ATP11C: variants seen among roughly 807,000 people sequenced by gnomAD.
ATP11C encodes the protein phospholipid-transporting ATPase IG.
Under a neutral mutation model 97.4 loss-of-function variants are expected in ATP11C, and 36 were observed. That is an observed-to-expected ratio of 0.37 (90% CI 0.28 to 0.49). The LOEUF (loss-of-function observed/expected upper bound fraction) is 0.49, where lower values mean the gene tolerates loss of function less well. Ranked by LOEUF, ATP11C falls within the 20% of genes least tolerant of loss-of-function variation. The pLI, the probability that ATP11C is intolerant of heterozygous loss-of-function variation, is 0.98. For missense variants in ATP11C, 730 were observed against 824.6 expected, an observed-to-expected ratio of 0.89 and a Z score of 1.40; for synonymous variants, 275 against 290.9, an observed-to-expected ratio of 0.95 and a Z score of 0.56.
chrX:139,929,624 A>G (rs1012421154), intron 1 of ATP11C, among the ~76,000 whole-genome samples: 2 of 111,580 alleles, frequency 1.8e-5, no homozygotes, highest in African/African-American at 6.5e-5. Flanking sequence ...ATCAAAACCA[A>G]TATCAGACAC....
At chrX:139,763,474 G>T in intron 20 of ATP11C, 56 bp from the exon 21 acceptor site, 3 of 914,743 alleles carry the variant, frequency 3.3e-6, no homozygotes, top group Non-Finnish European at 4.7e-6. Flanking sequence ...TGTAAGACTG[G>T]GCTACTTTAG....
At chrX:139,910,823 T>TAA (rs202163880) in intron 1 of ATP11C, among the ~76,000 whole-genome samples, 2 of 102,705 alleles carry the variant, frequency 1.9e-5, no homozygotes, top group East Asian at 6.0e-4. Context: ...AGATACATGA[T>TAA]AAAAAAAAAA....
chrX:139,822,571 A>G (rs2083436037), intron 2 of ATP11C, among the ~76,000 whole-genome samples: 1 of 110,356 alleles, frequency 9.1e-6, no homozygotes, highest in Non-Finnish European at 1.9e-5. Flanking sequence ...ACGCCAACAC[A>G]CCCGGCTAAT....
intron 22 of ATP11C, among the ~76,000 whole-genome samples, chrX:139,760,474 C>G (rs1298955936): frequency 9.0e-6 from 1 of 111,581 alleles, no homozygotes; most frequent in Non-Finnish European, 1.9e-5. Context: ...AGACAACTGA[C>G]ACACAAAATC....
chrX:139,749,138 C>T (rs2081755454), intron 24 of ATP11C, among the ~76,000 whole-genome samples: 1 of 111,705 alleles, frequency 9.0e-6, no homozygotes, highest in African/African-American at 3.3e-5. Context: ...GGTTCAACAA[C>T]TATTTACATT....
At position 139,757,872 on chromosome X, in the gene ATP11C, A is replaced by G. The variant is rs1294768800; in HGVS notation, c.2641-5T>C. 1 of 1,154,380 alleles carries G rather than the reference A, an allele frequency of 8.7e-7. No homozygotes were observed. The highest frequency in any genetic ancestry group is 1.2e-6 in the Non-Finnish European group (1 of 857,340). On this transcript the variant is annotated splice_region_variant and splice_polypyrimidine_tract_variant and intron_variant, in intron 22 of 29. Transcript: ENST00000682941. ...TGGCAAAATGAAACAAAGGTTCTGA[A>G]AAAAAAAAATTAAGACAAGGATTAA... is the stretch of plus-strand genomic sequence containing the variant.
chrX:139,745,337 T>C (rs759165511), intron 25 of ATP11C, among the ~76,000 whole-genome samples: 1 of 111,585 alleles, frequency 9.0e-6, no homozygotes, highest in Non-Finnish European at 1.9e-5. Context: ...ATATGGCAGC[T>C]ACCCGCTTCA....
At chrX:139,875,433 A>G (rs1005552178) in intron 1 of ATP11C, among the ~76,000 whole-genome samples, 8 of 107,796 alleles carry the variant, frequency 7.4e-5, no homozygotes, top group South Asian at 4.2e-4. Context: ...AAAAAAAAAA[A>G]AAAAGAAAAA....
chrX:139,894,102 G>A (rs1463297953), intron 1 of ATP11C, among the ~76,000 whole-genome samples: 2 of 111,560 alleles, frequency 1.8e-5, no homozygotes, highest in Non-Finnish European at 3.8e-5. Flanking sequence ...TTGCTGCTGG[G>A]AAGAATTAAT....
intron 1 of ATP11C, among the ~76,000 whole-genome samples, chrX:139,924,957 C>A (rs2085328033): frequency 9.0e-6 from 1 of 111,423 alleles, no homozygotes; most frequent in African/African-American, 3.3e-5. Context: ...GCCAGTGAAT[C>A]AACAAACCTA....
In ATP11C at chrX:139,728,825, G is replaced by A. The variant is rs1416889992; in HGVS notation, c.*141C>T. The A allele has an allele frequency of 1.4e-6, 1 of 724,832 alleles. No homozygotes were observed. Among genetic ancestry groups the A allele is most frequent in the African/African-American group, 2.1e-5 (1 of 47,608 alleles). 59.7% of individuals were successfully genotyped at this position (724,832 alleles called of 1,213,427 possible). A position where few individuals can be genotyped will look rare whatever the true frequency, so the allele number is the denominator to read the frequency against. On this transcript the variant is annotated 3_prime_UTR_variant, in exon 30 of 30. Transcript: ENST00000682941. ...CATTTATTGTGAACTCTAGACATGA[G>A]AGTGGTTTAGTGTGTTGCGTATCAA...
chrX:139,855,759 T>C (rs1418334192), intron 1 of ATP11C, among the ~76,000 whole-genome samples: 1 of 111,692 alleles, frequency 9.0e-6, no homozygotes, highest in African/African-American at 3.3e-5. Flanking sequence ...AGCTCTCTAC[T>C]TCAGAAAAGT....
chrX:139,844,629 T>C (rs1418563045), intron 1 of ATP11C, among the ~76,000 whole-genome samples: 1 of 112,273 alleles, frequency 8.9e-6, no homozygotes, highest in East Asian at 2.8e-4. Flanking sequence ...TCTCCTATCA[T>C]TCTTTCCAAA....
chrX:139,773,665 T>C (rs2082297302), intron 19 of ATP11C, among the ~76,000 whole-genome samples: 1 of 112,709 alleles, frequency 8.9e-6, no homozygotes, highest in African/African-American at 3.2e-5. Context: ...TTATTATCAC[T>C]GATGCCCAAG....
intron 17 of ATP11C, 115 bp downstream of exon 17, chrX:139,783,049 C>A: frequency 3.7e-6 from 2 of 541,574 alleles, no homozygotes; most frequent in Non-Finnish European, 5.8e-6. Context: ...AAACATAGAC[C>A]ACAAAAATAA....
chrX:139,848,037 T>C (rs2083935776), intron 1 of ATP11C, among the ~76,000 whole-genome samples: 1 of 111,225 alleles, frequency 9.0e-6, no homozygotes, highest in Non-Finnish European at 1.9e-5. Context: ...TTCATTTGGG[T>C]CACTGGTGGC....
At chrX:139,834,747 C>A (rs1244541718) in intron 1 of ATP11C, among the ~76,000 whole-genome samples, 3 of 111,829 alleles carry the variant, frequency 2.7e-5, no homozygotes, top group African/African-American at 9.8e-5. Flanking sequence ...TATCAGGACA[C>A]CACACTCAAT....
intron 23 of ATP11C, among the ~76,000 whole-genome samples, chrX:139,754,057 T>A (rs1482720270): frequency 1.8e-5 from 2 of 110,443 alleles, no homozygotes; most frequent in Non-Finnish European, 3.8e-5. Flanking sequence ...TGAAAAAATG[T>A]AATAATATAC....
chrX:139,728,939 C>CA lies in ATP11C; in HGVS notation c.*26dup. 1 of 1,201,971 alleles carries CA rather than the reference C, an allele frequency of 8.3e-7. No individual in the cohort carries two copies. The highest frequency in any genetic ancestry group is 1.1e-6 in the Non-Finnish European group (1 of 888,277). On this transcript the variant is annotated 3_prime_UTR_variant, in exon 30 of 30. Coordinates refer to ENST00000682941, the MANE Select transcript of ATP11C (RefSeq NM_001353812.2). ...TGTCAGTATGCTTGTAGGACAATAA[C>CA]ATAGGCAGTTCAAGATTCGGATTCT...
Sources: allele counts gnomAD v4.1 joint callset (sites outside exome capture counted in the v4.1 genomes callset), GRCh38; gene constraint gnomAD v4.1.1; transcripts MANE v1.5; gene names NCBI Gene and HGNC (gene_info 2026-07-23, HGNC 2026-07-21).